GPC5: variants seen among roughly 807,000 people sequenced by gnomAD.
GPC5 encodes the protein glypican-5.
Under a neutral mutation model 53.9 loss-of-function variants are expected in GPC5, and 47 were observed. The observed-to-expected ratio is 0.87, with a 90% CI of 0.69 to 1.11. The LOEUF (loss-of-function observed/expected upper bound fraction) is 1.11, where lower values mean the gene tolerates loss of function less well. GPC5 is among the 50% of genes most tolerant of loss of function. GPC5 has a pLI of 0.00. For synonymous variants in GPC5, 286 were observed against 263.3 expected (o/e 1.09, Z -0.84); for missense variants, 748 against 713.1 (o/e 1.05, Z -0.56).
intron 5 of GPC5, among the ~76,000 whole-genome samples, chr13:91,904,396 A>T (rs2039531911): frequency 6.6e-6 from 1 of 150,588 alleles, no homozygotes; most frequent in Non-Finnish European, 1.5e-5. Flanking sequence ...AAACAATGAA[A>T]CCTTAGAAAA....
In GPC5 at chr13:91,549,528, T is replaced by C. The variant is rs191814487; in HGVS notation, c.325+100606T>C. ...AGACACATCTGATAAAGGACTGTTA[T>C]CCAAAATATACAAAGAACTCTTGAG... On this transcript the variant is annotated intron_variant, in intron 2 of 7. Coordinates refer to ENST00000377067, the MANE Select transcript of GPC5 (RefSeq NM_004466.6). Among the ~76,000 whole-genome samples the C allele has an allele frequency of 8.5e-5, 13 of 152,194 alleles. No individual in the cohort carries two copies. In the East Asian group the frequency reaches 2.3e-3, roughly 27 times the overall value.
At chr13:91,961,696 A>C (rs2040127292) in intron 6 of GPC5, among the ~76,000 whole-genome samples, 1 of 152,114 alleles carries the variant, frequency 6.6e-6, no homozygotes, top group Non-Finnish European at 1.5e-5. Context: ...GTTCATGCAT[A>C]TGATACGGCA....
In GPC5 at chr13:92,344,459, C is replaced by A. The variant is rs114025191; in HGVS notation, c.1561+199470C>A. On this transcript the variant is annotated intron_variant, in intron 7 of 7. Transcript: ENST00000377067. The stretch of plus-strand genomic sequence containing the variant: ...ATCACTGCAGAATTAGAAGGCCACC[C>A]TGCAGAATTAGAAGGACTTCACCCA... 3.0e-3 allele frequency among the ~76,000 whole-genome samples: 458 copies of A among 152,240 alleles called. 3 individuals are homozygous for A. The highest frequency in any genetic ancestry group is 0.01 in the African/African-American group (429 of 41,542).
At chr13:91,806,536 C>G (rs2352203) in intron 5 of GPC5, among the ~76,000 whole-genome samples, 78,247 of 151,788 alleles carry the variant, frequency 0.52, 20,789 homozygotes, top group East Asian at 0.73. Context: ...CTTACAACAC[C>G]TCTTTATTTT....
At chr13:92,585,321 T>C (rs553689356) in intron 7 of GPC5, among the ~76,000 whole-genome samples, 1 of 152,324 alleles carries the variant, frequency 6.6e-6, no homozygotes, top group East Asian at 1.9e-4. Flanking sequence ...ATGACCTGGA[T>C]GTGAGACATG....
intron 4 of GPC5, among the ~76,000 whole-genome samples, chr13:91,730,133 T>C (rs74859925): frequency 0.05 from 7,572 of 152,294 alleles, 243 homozygotes; most frequent in Non-Finnish European, 0.075. Flanking sequence ...CCATAGGAAC[T>C]GCACATGAGT....
chr13:91,872,443 T>C (rs1055445749), intron 5 of GPC5, among the ~76,000 whole-genome samples: 3 of 152,108 alleles, frequency 2.0e-5, no homozygotes, highest in African/African-American at 7.2e-5. Flanking sequence ...TTTTAAAAAT[T>C]AGCACAAAAA....
chr13:92,751,302 TTAAA>T lies in GPC5; in HGVS notation c.1562-114979_1562-114976del, dbSNP rs1272721148. On this transcript the variant is annotated intron_variant, in intron 7 of 7. Coordinates refer to ENST00000377067, the MANE Select transcript of GPC5 (RefSeq NM_004466.6). The stretch of plus-strand genomic sequence containing the variant: ...AAAACCTTTGGTCATCCAGAAACAT[TTAAA>T]AAAAAAAAAAAAAAAAAAAAAAAAA... 6.2e-3 allele frequency among the ~76,000 whole-genome samples: 214 copies of T among 34,408 alleles called. 8 individuals are homozygous for T. Among genetic ancestry groups the T allele is most frequent in the African/African-American group, 0.019 (188 of 9,790 alleles). The allele number at this position is 34,408 out of a possible 152,430, so 22.6% of individuals were successfully genotyped here. A position where few individuals can be genotyped will look rare whatever the true frequency, so the allele number is the denominator to read the frequency against.
intron 2 of GPC5, among the ~76,000 whole-genome samples, chr13:91,527,868 C>T (rs1237385352): frequency 6.6e-6 from 1 of 152,204 alleles, no homozygotes; most frequent in Non-Finnish European, 1.5e-5. Flanking sequence ...ATGGCCTGAG[C>T]CATATGATGG....
chr13:92,605,435 A>G (rs998942361), intron 7 of GPC5, among the ~76,000 whole-genome samples: 3 of 152,202 alleles, frequency 2.0e-5, no homozygotes, highest in African/African-American at 7.2e-5. Flanking sequence ...ATGTTTTAGG[A>G]AGGCTTTGAA....
At chr13:91,779,721 G>C (rs148205295) in intron 5 of GPC5, among the ~76,000 whole-genome samples, 1 of 152,176 alleles carries the variant, frequency 6.6e-6, no homozygotes, top group Non-Finnish European at 1.5e-5. Flanking sequence ...ATTATCCTAG[G>C]CCTACAGGGT....
chr13:91,541,259 C>T (rs2029909902), intron 2 of GPC5, among the ~76,000 whole-genome samples: 1 of 151,608 alleles, frequency 6.6e-6, no homozygotes, highest in African/African-American at 2.4e-5. Context: ...GTAATTTGTC[C>T]ATTTCTTTTC....
chr13:92,845,667 G>A (rs948226191), intron 7 of GPC5, among the ~76,000 whole-genome samples: 2 of 151,946 alleles, frequency 1.3e-5, no homozygotes, highest in Non-Finnish European at 2.9e-5. Context: ...AAATATCTGG[G>A]TATCCCATGG....
At chr13:91,749,888 A>G (rs1375471157) in intron 4 of GPC5, among the ~76,000 whole-genome samples, 1 of 152,142 alleles carries the variant, frequency 6.6e-6, no homozygotes, top group Non-Finnish European at 1.5e-5. Context: ...TCAGCTCACT[A>G]CAACCTCTGC....
At chr13:91,987,105 G>A (rs1278719792) in intron 6 of GPC5, among the ~76,000 whole-genome samples, 1 of 152,182 alleles carries the variant, frequency 6.6e-6, no homozygotes, top group Non-Finnish European at 1.5e-5. Context: ...GTAGGAAGAC[G>A]TTATGGCAAG....
chr13:91,549,912 C>T (rs570382885), intron 2 of GPC5, among the ~76,000 whole-genome samples: 3 of 152,206 alleles, frequency 2.0e-5, no homozygotes, highest in Non-Finnish European at 4.4e-5. Context: ...TGCTTTTACC[C>T]AATTTAGTTG....
intron 7 of GPC5, among the ~76,000 whole-genome samples, chr13:92,605,519 T>C (rs1272244650): frequency 6.6e-6 from 1 of 152,158 alleles, no homozygotes; most frequent in Non-Finnish European, 1.5e-5. Flanking sequence ...GTTTATCCCT[T>C]TGAAACATTT....
At chr13:92,249,658 T>A (rs1455935156) in intron 7 of GPC5, among the ~76,000 whole-genome samples, 1 of 152,080 alleles carries the variant, frequency 6.6e-6, no homozygotes, top group Non-Finnish European at 1.5e-5. Flanking sequence ...GTTGATGGCA[T>A]GCTCAATGGT....
intron 5 of GPC5, among the ~76,000 whole-genome samples, chr13:91,891,118 T>A (rs1008381372): frequency 6.6e-6 from 1 of 152,184 alleles, no homozygotes; most frequent in Admixed American, 6.6e-5. Context: ...TCTAAAATAA[T>A]TCAGTATCTA....
Sources: allele counts gnomAD v4.1 joint callset (sites outside exome capture counted in the v4.1 genomes callset), GRCh38; gene constraint gnomAD v4.1.1; transcripts MANE v1.5; gene names NCBI Gene and HGNC (gene_info 2026-07-23, HGNC 2026-07-21).